Variants in PCYT1B observed in about 807,000 individuals in gnomAD.
The protein encoded by PCYT1B is phosphate cytidylyltransferase 1B, choline.
Under a neutral mutation model 26.4 loss-of-function variants are expected in PCYT1B, and 10 were observed. That is an observed-to-expected ratio of 0.38 (90% CI 0.23 to 0.64). The LOEUF is 0.64. PCYT1B is among the 30% of genes least tolerant of loss of function. The pLI, the probability that PCYT1B is intolerant of heterozygous loss-of-function variation, is 0.56. For synonymous variants in PCYT1B, 131 were observed against 108.4 expected (o/e 1.21, Z -1.29); for missense variants, 161 against 292.7 (o/e 0.55, Z 3.28).
chrX:24,647,311 A>G lies in PCYT1B; in HGVS notation c.-206T>C. On this transcript the variant is annotated 5_prime_UTR_variant, in exon 1 of 8. Transcript: ENST00000379144. ...TCTCTCTCCCAGAAGCCAAGAGGCA[A>G]GGCCTCAGTTTATCACTATAACAAC... 1 of 1,016,443 alleles carries G rather than the reference A, an allele frequency of 9.8e-7. No homozygotes were observed. The highest frequency in any genetic ancestry group is 1.2e-6 in the Non-Finnish European group (1 of 801,855). 83.8% of individuals were successfully genotyped at this position (1,016,443 alleles called of 1,213,427 possible). A position where few individuals can be genotyped will look rare whatever the true frequency, so the allele number is the denominator to read the frequency against.
chrX:24,620,401 G>T (rs1404935285), intron 1 of PCYT1B, among the ~76,000 whole-genome samples: 1 of 111,546 alleles, frequency 9.0e-6, no homozygotes, highest in African/African-American at 3.3e-5. Flanking sequence ...AGGCCTCCCA[G>T]TTATCTGAGA....
chrX:24,563,639 AT>A (rs1303820747), intron 7 of PCYT1B, among the ~76,000 whole-genome samples: 1 of 111,452 alleles, frequency 9.0e-6, no homozygotes, highest in Admixed American at 9.5e-5. Flanking sequence ...GGAGGAGGCC[AT>A]CGTGGCAGTA....
chrX:24,595,124 C>T (rs1924735539), intron 3 of PCYT1B, among the ~76,000 whole-genome samples: 1 of 109,124 alleles, frequency 9.2e-6, no homozygotes, highest in East Asian at 2.9e-4. Context: ...CTGCCCCCTA[C>T]TCCAAGCAGG....
In PCYT1B at chrX:24,567,354, G is replaced by T. The variant is rs990182568; in HGVS notation, c.898-4849C>A. ...AATAACTCCCAGCCTCAATTTGCCA[G>T]CTCTCTGATCTGTTTCTGGTGCATT... On this transcript the variant is annotated intron_variant, in intron 7 of 7. Coordinates refer to ENST00000379144, the MANE Select transcript of PCYT1B (RefSeq NM_004845.5). Among the ~76,000 whole-genome samples the T allele has an allele frequency of 2.7e-5, 3 of 112,281 alleles. No individual in the cohort carries two copies. In the Admixed American group the frequency reaches 2.8e-4, roughly 11 times the overall value.
intron 1 of PCYT1B, among the ~76,000 whole-genome samples, chrX:24,657,736 T>G (rs1184478980): frequency 3.6e-5 from 4 of 112,095 alleles, no homozygotes; most frequent in African/African-American, 1.3e-4. Context: ...CTGTCTCCCT[T>G]CAGTCTCCCC....
At chrX:24,588,508 G>A (rs1259387696) in intron 4 of PCYT1B, among the ~76,000 whole-genome samples, 1 of 111,768 alleles carries the variant, frequency 8.9e-6, no homozygotes, top group East Asian at 2.8e-4. Flanking sequence ...ACCTTGAGAG[G>A]TAATTTAGAG....
intron 1 of PCYT1B, among the ~76,000 whole-genome samples, chrX:24,621,515 C>T (rs993486063): frequency 2.7e-5 from 3 of 110,971 alleles, no homozygotes; most frequent in African/African-American, 9.8e-5. Flanking sequence ...CTCACTCTTT[C>T]TCCCAGGTTG....
chrX:24,665,936 G>A (rs960114789), intron 1 of PCYT1B, among the ~76,000 whole-genome samples: 1 of 110,691 alleles, frequency 9.0e-6, no homozygotes, highest in African/African-American at 3.3e-5. Flanking sequence ...GCCATCTGTG[G>A]TATCTCTAGG....
At chrX:24,582,744 G>T (rs192584233) in intron 5 of PCYT1B, among the ~76,000 whole-genome samples, 1 of 112,092 alleles carries the variant, frequency 8.9e-6, no homozygotes, top group Non-Finnish European at 1.9e-5. Context: ...CTTAAGTCAT[G>T]CCCTTGATAT....
intron 7 of PCYT1B, among the ~76,000 whole-genome samples, chrX:24,571,500 TATCATCATC>T (rs59226167): frequency 2.8e-4 from 30 of 105,367 alleles, no homozygotes; most frequent in Non-Finnish European, 4.5e-4. Flanking sequence ...TCTTATTTAC[TATCATCATC>T]ATCATCATCA....
At chrX:24,588,697 C>T (rs958525014) in intron 4 of PCYT1B, among the ~76,000 whole-genome samples, 6 of 111,503 alleles carry the variant, frequency 5.4e-5, no homozygotes, top group African/African-American at 1.6e-4. Context: ...GGGAGTTGTC[C>T]TGTGCATTGG....
intron 1 of PCYT1B, among the ~76,000 whole-genome samples, chrX:24,619,891 C>T (rs1188883762): frequency 2.7e-5 from 3 of 111,614 alleles, no homozygotes; most frequent in South Asian, 7.3e-4. Flanking sequence ...TAGTCAGCCT[C>T]TTAAAATGAA....
chrX:24,645,195 G>C (rs1926584360), intron 1 of PCYT1B, among the ~76,000 whole-genome samples: 1 of 111,827 alleles, frequency 8.9e-6, no homozygotes, highest in Admixed American at 9.6e-5. Flanking sequence ...AGGCAAAAGA[G>C]ACTGAAATGA....
upstream of PCYT1B, among the ~76,000 whole-genome samples, chrX:24,651,183 C>T (rs180842402): frequency 8.2e-5 from 9 of 109,788 alleles, no homozygotes; most frequent in South Asian, 3.9e-4. Flanking sequence ...CAAGGCTGGG[C>T]GCGGTGGCTC....
intron 4 of PCYT1B, among the ~76,000 whole-genome samples, chrX:24,587,606 T>C (rs1924412194): frequency 1.8e-5 from 2 of 112,084 alleles, no homozygotes; most frequent in Non-Finnish European, 3.8e-5. Flanking sequence ...TCCTTCTGCA[T>C]CTAAAGTTTC....
chrX:24,596,691 C>T (rs1924792787), intron 3 of PCYT1B, among the ~76,000 whole-genome samples: 1 of 110,307 alleles, frequency 9.1e-6, no homozygotes, highest in Non-Finnish European at 1.9e-5. Flanking sequence ...GACTATAGTA[C>T]CTCCAGTTAT....
chrX:24,593,366 GTTTC>G (rs1472691662), intron 3 of PCYT1B, among the ~76,000 whole-genome samples: 2 of 96,713 alleles, frequency 2.1e-5, no homozygotes, highest in African/African-American at 3.8e-5. Context: ...TCTTTCTTTC[GTTTC>G]TTTCTTTCTC....
upstream of PCYT1B, among the ~76,000 whole-genome samples, chrX:24,672,885 A>G (rs951411686): frequency 8.9e-6 from 1 of 111,931 alleles, no homozygotes. Context: ...TTCATTGACA[A>G]TTGCTGTGCT....
upstream of PCYT1B, among the ~76,000 whole-genome samples, chrX:24,650,970 C>A (rs1215512624): frequency 9.0e-6 from 1 of 111,531 alleles, no homozygotes; most frequent in African/African-American, 3.3e-5. Flanking sequence ...GTTATGGGCA[C>A]GTGTTAGCAT....
Sources: allele counts gnomAD v4.1 joint callset (sites outside exome capture counted in the v4.1 genomes callset), GRCh38; gene constraint gnomAD v4.1.1; transcripts MANE v1.5; gene names NCBI Gene and HGNC (gene_info 2026-07-23, HGNC 2026-07-21).